Variants in DHH observed in about 807,000 individuals in gnomAD.
The protein encoded by DHH is desert hedgehog protein.
A neutral mutation model predicts 27.6 loss-of-function variants in DHH; 16 were observed. The ratio of observed to expected loss-of-function variants is 0.58; its 90% CI spans 0.39 to 0.88. The LOEUF (loss-of-function observed/expected upper bound fraction) is 0.88, where lower values mean the gene tolerates loss of function less well. Ranked by LOEUF, DHH falls within the 40% of genes least tolerant of loss-of-function variation. The pLI, the probability that DHH is intolerant of heterozygous loss-of-function variation, is 0.00. For missense variants in DHH, 436 were observed against 563.1 expected, an observed-to-expected ratio of 0.77 and a Z score of 2.28; for synonymous variants, 289 against 263.4, an observed-to-expected ratio of 1.10 and a Z score of -0.94.
Position 49,094,410 on chromosome 12 carries a change from A to T in DHH, c.103T>A (p.Tyr35Asn), listed in dbSNP as rs1309928945. The T allele has an allele frequency of 6.2e-7, 1 of 1,610,944 alleles. No individual in the cohort carries two copies. The highest frequency in any genetic ancestry group is 1.7e-5 in the Admixed American group (1 of 59,858). The change falls in exon 1 of 3, where the codon TAT becomes AAT. Residue 35 changes from tyrosine to asparagine, a missense_variant. Coordinates refer to ENST00000649637, the MANE Select transcript of DHH (RefSeq NM_021044.4). ...PGRGPVGRRR[Y>N]ARKQLVPLLY... ...AGCGGCACGAGCTGCTTGCGCGCAT[A>T]GCGGCGCCGGCCAACCGGCCCCCGG...
rs1939219585 is a variant in DHH at position 49,086,913 on chromosome 12, G to A, written c.*2946C>T. Reference sequence around the variant, plus strand: ...ACTGATGCTTTTAGTGGAGTGGTGAGGAAAGAAGTGATCGGAAGGCAGCAA... The same window carrying A: ...ACTGATGCTTTTAGTGGAGTGGTGAAGAAAGAAGTGATCGGAAGGCAGCAA... On this transcript the variant is annotated 3_prime_UTR_variant, in exon 3 of 3. Coordinates refer to ENST00000649637, the MANE Select transcript of DHH (RefSeq NM_021044.4). 6.6e-6 allele frequency among the ~76,000 whole-genome samples: 1 copy of A among 152,178 alleles called. No individual in the cohort carries two copies. Among genetic ancestry groups the A allele is most frequent in the Non-Finnish European group, 1.5e-5 (1 of 68,040 alleles).
Position 49,087,799 on chromosome 12 carries a change from A to C in DHH, c.*2060T>G, listed in dbSNP as rs1051885467. On this transcript the variant is annotated 3_prime_UTR_variant, in exon 3 of 3. Transcript: ENST00000649637. ...TCAACATAGGACAACTAATTCATTTATCGGATTAGTCATCACCTGTGGTGA... is the reference window on the plus strand; with the variant it reads ...TCAACATAGGACAACTAATTCATTTCTCGGATTAGTCATCACCTGTGGTGA... Among the ~76,000 whole-genome samples, 2 of 152,204 alleles carry C rather than the reference A, an allele frequency of 1.3e-5. No individual in the cohort carries two copies. Among genetic ancestry groups the C allele is most frequent in the African/African-American group, 2.4e-5 (1 of 41,446 alleles).
chr12:49,092,791 C>T (rs1939329233), intron 1 of DHH: 1 of 152,294 alleles, frequency 6.6e-6, no homozygotes, highest in Admixed American at 6.5e-5. Context: ...GCCGGAGCCC[C>T]TCCTGAGCCT....
Position 49,094,509 on chromosome 12 carries a change from C to T in DHH, c.4G>A (p.Ala2Thr), listed in dbSNP as rs766917734. The T allele has an allele frequency of 6.4e-7, 1 of 1,554,820 alleles. No homozygotes were observed. The highest frequency in any genetic ancestry group is 1.2e-5 in the South Asian group (1 of 85,218). The change falls in exon 1 of 3, where the codon GCT becomes ACT. Residue 2 changes from alanine to threonine, a missense_variant. By Grantham distance (58) the Ala-to-Thr change is moderately conservative. Coordinates refer to ENST00000649637, the MANE Select transcript of DHH (RefSeq NM_021044.4). The stretch of plus-strand genomic sequence containing the variant: ...AGGGGCAGTAGATTGGTCAGGAGAG[C>T]CATGGATACAGCGGACCTCGGCCAA... MALLTNLLPLCC... is the reference protein window; with the variant it reads MTLLTNLLPLCC...
rs1565575248 is a variant in DHH at position 49,094,341 on chromosome 12, C to G, written c.172G>C (p.Gly58Arg). ...FVPGVPERTL[G>R]ASGPAEGRVA... ...CTCCCCTCCGCTGGCCCACTGGCGCCCAGGGTCCGCTCTGGCACGCCGGGC... is the reference window on the plus strand; with the variant it reads ...CTCCCCTCCGCTGGCCCACTGGCGCGCAGGGTCCGCTCTGGCACGCCGGGC... Residue 58 changes from glycine to arginine, a missense_variant, in exon 1 of 3, where the codon GGC (glycine) becomes CGC (arginine). Gly to Arg is a moderately radical substitution (Grantham distance 125, BLOSUM62 -2). Coordinates refer to ENST00000649637, the MANE Select transcript of DHH (RefSeq NM_021044.4). The G allele has an allele frequency of 3.7e-6, 6 of 1,613,154 alleles. No individual in the cohort carries two copies. Among genetic ancestry groups the G allele is most frequent in the Non-Finnish European group, 5.1e-6 (6 of 1,179,922 alleles).
rs1267651119 is a variant in DHH, at chr12:49,089,111, C to T, written c.*748G>A. On this transcript the variant is annotated 3_prime_UTR_variant, in exon 3 of 3. Transcript: ENST00000649637. ...GTATCAGTACTCATAGGGGCCTGAG[C>T]CCCTGCTGGAGCCCCTATAAACAGA... Among the ~76,000 whole-genome samples, 1 of 152,240 alleles carries T rather than the reference C, an allele frequency of 6.6e-6. No individual in the cohort carries two copies. The highest frequency in any genetic ancestry group is 1.5e-5 in the Non-Finnish European group (1 of 68,046).
At position 49,094,430 on chromosome 12, in the gene DHH, C is replaced by T. The variant is rs755989004; in HGVS notation, c.83G>A (p.Gly28Glu). 2 of 1,606,078 alleles carry T rather than the reference C, an allele frequency of 1.2e-6. No individual in the cohort carries two copies. The highest frequency in any genetic ancestry group is 1.3e-5 in the African/African-American group (1 of 74,860). ...LPAQSCGPGR[G>E]PVGRRRYARK... ...CGCATAGCGGCGCCGGCCAACCGGCCCCCGGCCCGGCCCGCAGCTCTGGGC... is the reference window on the plus strand; with the variant it reads ...CGCATAGCGGCGCCGGCCAACCGGCTCCCGGCCCGGCCCGCAGCTCTGGGC... Residue 28 changes from glycine to glutamate, a missense_variant, in exon 1 of 3, where the codon GGG becomes GAG. Coordinates refer to ENST00000649637, the MANE Select transcript of DHH (RefSeq NM_021044.4).
rs1430758245 is a variant in DHH, at chr12:49,090,209, G to A, written c.841C>T (p.Pro281Ser). The A allele has an allele frequency of 1.3e-6, 2 of 1,552,370 alleles. No homozygotes were observed. The highest frequency in any genetic ancestry group is 2.4e-5 in the East Asian group (1 of 41,200). The change falls in exon 3 of 3, where the codon CCC becomes TCC. Residue 281 changes from proline (P) to serine (S), a missense_variant. By Grantham distance (74) the Pro-to-Ser change is moderately conservative (BLOSUM62 -1). Coordinates refer to ENST00000649637, the MANE Select transcript of DHH (RefSeq NM_021044.4). The surrounding 1 kb of genome is among the most constrained non-coding windows in gnomAD (Gnocchi z 5.2). Reference protein sequence around the residue: ...HLVFAARGPAPAPGDFAPVFA... With the variant: ...HLVFAARGPASAPGDFAPVFA... ...ACCGGTGCAAAGTCGCCTGGCGCGG[G>A]CGCCGGCCCTCGAGCGGCAAACACC...
In DHH at chr12:49,087,605, A is replaced by C. The variant is rs1180209082; in HGVS notation, c.*2254T>G. Among the ~76,000 whole-genome samples the C allele has an allele frequency of 3.3e-5, 5 of 152,272 alleles. No individual in the cohort carries two copies. The East Asian group carries it at 9.6e-4, about 29-fold the overall frequency. On this transcript the variant is annotated 3_prime_UTR_variant, in exon 3 of 3. Coordinates refer to ENST00000649637, the MANE Select transcript of DHH (RefSeq NM_021044.4). Reference sequence around the variant, plus strand: ...GTAGTCCCAGCTACTTGAGAGGCTGAGGTGGGAGGATTGCTTGAGCCCAGG... The same window carrying C: ...GTAGTCCCAGCTACTTGAGAGGCTGCGGTGGGAGGATTGCTTGAGCCCAGG...
At position 49,090,352 on chromosome 12, in the gene DHH, C is replaced by T; in HGVS notation, c.698G>A (p.Arg233Gln). ...DWVLAADASG[R>Q]VVPTPVLLFL... is the part of the protein sequence containing the mutation. ...GAGCAGCACCGGCGTGGGCACCACC[C>T]GGCCTGACGCATCGGCCGCCAAAAC... The change falls in exon 3 of 3, where the codon CGG (arginine) becomes CAG (glutamine). Residue 233 changes from arginine to glutamine, a missense_variant. Arg to Gln is a conservative substitution (Grantham distance 43). Transcript: ENST00000649637. This position sits in a 1 kb window ranked among gnomAD's most constrained non-coding sequence, Gnocchi z 5.2. The T allele has an allele frequency of 3.1e-6, 5 of 1,608,258 alleles. No individual in the cohort carries two copies. The highest frequency in any genetic ancestry group is 1.1e-5 in the South Asian group (1 of 90,166).
rs541577195 is a variant in DHH, at chr12:49,094,006, C to T, written c.303+204G>A. On this transcript the variant is annotated intron_variant, in intron 1 of 2. Coordinates refer to ENST00000649637, the MANE Select transcript of DHH (RefSeq NM_021044.4). ...CACTAGTCAGTCCCTCCTCCCCTCC[C>T]CATCCCAGACTATTCTAGTCGGGAG... is the stretch of plus-strand genomic sequence containing the variant. Among the ~76,000 whole-genome samples the T allele has an allele frequency of 8.5e-5, 13 of 152,334 alleles. No individual in the cohort carries two copies. In the East Asian group the frequency reaches 2.5e-3, roughly 29 times the overall value.
rs1416968641 is a variant in DHH at position 49,089,878 on chromosome 12, G to A, written c.1172C>T (p.Ala391Val). ...GGACGCTCAGCCCAGTAGCTCCTCC[G>A]CTAAGCGGTAGAGGAGCCGAGAGTA... is the stretch of plus-strand genomic sequence containing the variant. ...HWYSRLLYRL[A>V]EELLG Residue 391 changes from alanine (A) to valine (V), a missense_variant, in exon 3 of 3, where the codon GCG (alanine) becomes GTG (valine). Coordinates refer to ENST00000649637, the MANE Select transcript of DHH (RefSeq NM_021044.4). 1 of 1,574,520 alleles carries A rather than the reference G, an allele frequency of 6.4e-7. No individual in the cohort carries two copies. The highest frequency in any genetic ancestry group is 8.6e-7 in the Non-Finnish European group (1 of 1,159,574).
chr12:49,091,074 T>C lies in DHH; in HGVS notation c.565+54A>G. The C allele has an allele frequency of 6.2e-7, 1 of 1,613,758 alleles. No individual in the cohort carries two copies. Among genetic ancestry groups the C allele is most frequent in the South Asian group, 1.1e-5 (1 of 91,072 alleles). ...GGCAACAGTACTACTGCAGACTCAGTTTCCCGGAGGGAGCCCCCTTTGGGC... is the reference window on the plus strand; with the variant it reads ...GGCAACAGTACTACTGCAGACTCAGCTTCCCGGAGGGAGCCCCCTTTGGGC... On this transcript the variant is annotated intron_variant, in intron 2 of 2. Transcript: ENST00000649637. This position sits in a 1 kb window ranked among gnomAD's most constrained non-coding sequence, Gnocchi z 4.8.
chr12:49,090,616 G>A lies in DHH; in HGVS notation c.566-132C>T, dbSNP rs1460694765. 3.3e-6 allele frequency: 4 copies of A among 1,219,824 alleles called. No individual in the cohort carries two copies. Among genetic ancestry groups the A allele is most frequent in the Admixed American group, 2.4e-5 (1 of 41,202 alleles). The allele number at this position is 1,219,824 out of a possible 1,614,324, so 75.6% of individuals were successfully genotyped here. Reference sequence around the variant, plus strand: ...AATCTGACTGGCCCCAACCTGGGCAGAAAAGGAAGGGCGGTTTTTCTTTCT... The same window carrying A: ...AATCTGACTGGCCCCAACCTGGGCAAAAAAGGAAGGGCGGTTTTTCTTTCT... On this transcript the variant is annotated intron_variant, in intron 2 of 2. Coordinates refer to ENST00000649637, the MANE Select transcript of DHH (RefSeq NM_021044.4). The surrounding 1 kb of genome is among the most constrained non-coding windows in gnomAD (Gnocchi z 5.2).
chr12:49,094,381 G>C lies in DHH; in HGVS notation c.132C>G (p.Leu44=), dbSNP rs1463443563. Residue 44 remains leucine (L), a synonymous_variant, in exon 1 of 3, where the codon CTC becomes CTG. Coordinates refer to ENST00000649637, the MANE Select transcript of DHH (RefSeq NM_021044.4). ...RYARKQLVPL[L]YKQFVPGVPE... ...GCACGCCGGGCACAAATTGCTTGTA[G>C]AGTAGCGGCACGAGCTGCTTGCGCG... 1 of 1,612,790 alleles carries C rather than the reference G, an allele frequency of 6.2e-7. No individual in the cohort carries two copies. Among genetic ancestry groups the C allele is most frequent in the Non-Finnish European group, 8.5e-7 (1 of 1,179,840 alleles).
rs991301112 is a variant in DHH at position 49,091,297 on chromosome 12, G to A, written c.396C>T (p.Asp132=). The A allele has an allele frequency of 6.8e-6, 11 of 1,614,080 alleles. No homozygotes were observed. Among genetic ancestry groups the A allele is most frequent in the Non-Finnish European group, 9.3e-6 (11 of 1,180,056 alleles). ...RLRVTEGWDE[D]GHHAQDSLHY... ...GGAGTGAATCCTGAGCGTGGTGGCC[G>A]TCCTCGTCCCAGCCCTCAGTCACTC... The change falls in exon 2 of 3, where the codon GAC becomes GAT. Residue 132 remains aspartate, a synonymous_variant. Transcript: ENST00000649637. The surrounding 1 kb of genome is among the most constrained non-coding windows in gnomAD (Gnocchi z 4.8).
Position 49,091,097 on chromosome 12 carries a change from G to C in DHH, c.565+31C>G, listed in dbSNP as rs758578901. On this transcript the variant is annotated intron_variant, in intron 2 of 2. Coordinates refer to ENST00000649637, the MANE Select transcript of DHH (RefSeq NM_021044.4). The surrounding 1 kb of genome is among the most constrained non-coding windows in gnomAD (Gnocchi z 4.8). ...AGTTTCCCGGAGGGAGCCCCCTTTG[G>C]GCGGATTTTACCACCCTCCTCCTAC... The C allele has an allele frequency of 6.2e-7, 1 of 1,614,072 alleles. No homozygotes were observed. Among genetic ancestry groups the C allele is most frequent in the South Asian group, 1.1e-5 (1 of 91,080 alleles).
Position 49,094,442 on chromosome 12 carries a change from C to G in DHH, c.71G>C (p.Gly24Ala), listed in dbSNP as rs778014372. The G allele has an allele frequency of 1.2e-6, 2 of 1,601,458 alleles. No homozygotes were observed. Among genetic ancestry groups the G allele is most frequent in the South Asian group, 2.2e-5 (2 of 90,120 alleles). Residue 24 changes from glycine to alanine, a missense_variant, in exon 1 of 3, where the codon GGG (glycine) becomes GCG (alanine). Coordinates refer to ENST00000649637, the MANE Select transcript of DHH (RefSeq NM_021044.4). ...ALLALPAQSC[G>A]PGRGPVGRRR... ...CCGGCCAACCGGCCCCCGGCCCGGC[C>G]CGCAGCTCTGGGCTGGCAGCGCCAG...
At position 49,094,691 on chromosome 12, in the gene DHH, G is replaced by A; in HGVS notation, c.-179C>T. On this transcript the variant is annotated 5_prime_UTR_variant, in exon 1 of 3. Coordinates refer to ENST00000649637, the MANE Select transcript of DHH (RefSeq NM_021044.4). ...AGCTCTGCCCACGTGCCCCGGGAGC[G>A]GGCGGGGGGTGTCTAGGACCTGCTA... The A allele has an allele frequency of 1.3e-6, 1 of 772,418 alleles. No individual in the cohort carries two copies. The highest frequency in any genetic ancestry group is 1.6e-5 in the South Asian group (1 of 61,822). The allele number at this position is 772,418 out of a possible 1,614,324, so 47.8% of individuals were successfully genotyped here. A position where few individuals can be genotyped will look rare whatever the true frequency, so the allele number is the denominator to read the frequency against.
Sources: gnomAD v4.1 joint callset for allele counts (sites outside exome capture counted in the v4.1 genomes callset) on GRCh38, gnomAD v4.1.1 for gene constraint, Gnocchi (gnomAD v3.1) non-coding constraint, MANE v1.5 for transcripts, NCBI Gene and HGNC (gene_info 2026-07-23, HGNC 2026-07-21) for gene names.